Variants in BOC observed in about 807,000 individuals in gnomAD.
BOC encodes brother of CDO.
A neutral mutation model predicts 112.0 loss-of-function variants in BOC; 76 were observed. The observed-to-expected ratio is 0.68, with a 90% CI of 0.56 to 0.82. The LOEUF (loss-of-function observed/expected upper bound fraction) is 0.82. BOC is among the 40% of genes least tolerant of loss of function. The probability of loss-of-function intolerance (pLI) is 0.00; values close to 1 mark genes in which losing one functional copy is unlikely to be tolerated. For missense variants in BOC, 1,309 were observed against 1,511.7 expected, an observed-to-expected ratio of 0.87 and a Z score of 2.22; for synonymous variants, 580 against 599.8, an observed-to-expected ratio of 0.97 and a Z score of 0.48.
chr3:113,236,792 A>C (rs1943625343), intron 2 of BOC, among the ~76,000 whole-genome samples: 2 of 152,238 alleles, frequency 1.3e-5, no homozygotes, highest in Admixed American at 1.3e-4. Context: ...TTGCCACTGC[A>C]TTAAATCAGG....
chr3:113,284,494 GGGGCTGCCCCTCGGCTGCAGT>G lies in BOC; in HGVS notation c.2822_2842del (p.Cys941_Gly947del), dbSNP rs1949487139. 1 of 1,614,084 alleles carries G rather than the reference GGGGCTGCCCCTCGGCTGCAGT, an allele frequency of 6.2e-7. No homozygotes were observed. The highest frequency in any genetic ancestry group is 1.7e-5 in the Admixed American group (1 of 60,010). On this transcript the variant is annotated inframe_deletion, in exon 17 of 20. Coordinates refer to ENST00000682979, the MANE Select transcript of BOC (RefSeq NM_001378074.1). Reference sequence around the variant, plus strand: ...TGTGCTAATGGGATCCACATGAATAGGGGCTGCCCCTCGGCTGCAGTGGGCTACCCGGGCATGAAGCCCCAG... The same window carrying G: ...TGTGCTAATGGGATCCACATGAATAGGGGCTACCCGGGCATGAAGCCCCAG...
At position 113,272,446 on chromosome 3, in the gene BOC, C is replaced by T; in HGVS notation, c.704C>T (p.Pro235Leu). Residue 235 changes from proline (P) to leucine (L), a missense_variant, in exon 7 of 20, where the codon CCA becomes CTA. By Grantham distance (98) the Pro-to-Leu change is moderately conservative. Transcript: ENST00000682979. ...TAEAARIIYP[P>L]EAQTIIVTKG... ...GAGGCTGCCCGCATCATCTACCCCC[C>T]AGAGGCCCAAACCATCATCGTCACC... is the stretch of plus-strand genomic sequence containing the variant. 6.2e-7 allele frequency: 1 copy of T among 1,614,110 alleles called. No homozygotes were observed. Among genetic ancestry groups the T allele is most frequent in the Non-Finnish European group, 8.5e-7 (1 of 1,180,014 alleles).
chr3:113,270,580 G>A (rs1948000180), intron 5 of BOC: 1 of 516,048 alleles, frequency 1.9e-6, no homozygotes, highest in Admixed American at 3.7e-5. Context: ...TTAGCTGGTT[G>A]GTTAGTTACC....
chr3:113,238,687 C>A (rs989458452), intron 2 of BOC, among the ~76,000 whole-genome samples: 3 of 152,216 alleles, frequency 2.0e-5, no homozygotes, highest in Admixed American at 2.0e-4. Context: ...TTCAAATCCT[C>A]ACCCTGAGAT....
chr3:113,282,973 A>G (rs747783076), intron 15 of BOC, among the ~76,000 whole-genome samples: 2 of 152,164 alleles, frequency 1.3e-5, no homozygotes, highest in Non-Finnish European at 2.9e-5. Flanking sequence ...GCTGTGATCC[A>G]TGCTAATACC....
chr3:113,218,309 G>A (rs775985374), intron 2 of BOC, among the ~76,000 whole-genome samples: 4 of 152,340 alleles, frequency 2.6e-5, no homozygotes, highest in African/African-American at 9.6e-5. Flanking sequence ...ACTAGTCTGA[G>A]CTCACCTAAT....
At chr3:113,262,304 A>G (rs538623165) in intron 4 of BOC, among the ~76,000 whole-genome samples, 35 of 152,206 alleles carry the variant, frequency 2.3e-4, no homozygotes, top group Non-Finnish European at 4.0e-4. Context: ...ACGCTGGAGA[A>G]CACCACGCTT....
At chr3:113,214,539 G>A (rs1222956599) in intron 1 of BOC, among the ~76,000 whole-genome samples, 1 of 152,160 alleles carries the variant, frequency 6.6e-6, no homozygotes, top group African/African-American at 2.4e-5. Flanking sequence ...AGAAAACTCA[G>A]GTGCACCAAA....
rs1434802098 is a variant in BOC at position 113,236,262 on chromosome 3, GTGTGTA to G, written c.-81-13458_-81-13453del. Among the ~76,000 whole-genome samples the G allele has an allele frequency of 2.5e-3, 68 of 26,680 alleles. 1 individual carries two copies. Among genetic ancestry groups the G allele is most frequent in the African/African-American group, 8.9e-3 (64 of 7,210 alleles). 17.5% of individuals were successfully genotyped at this position (26,680 alleles called of 152,430 possible). A position where few individuals can be genotyped will look rare whatever the true frequency, so the allele number is the denominator to read the frequency against. On this transcript the variant is annotated intron_variant, in intron 2 of 19. Coordinates refer to ENST00000682979, the MANE Select transcript of BOC (RefSeq NM_001378074.1). ...TGTGTGTGTGTGTGTGTGTGTGTGTGTGTGTATATATACCCATGGGTATATATATAT... is the reference window on the plus strand; with the variant it reads ...TGTGTGTGTGTGTGTGTGTGTGTGTGTATATACCCATGGGTATATATATAT...
rs146572265 is a variant in BOC at position 113,251,005 on chromosome 3, C to G, written c.376+172C>G. On this transcript the variant is annotated intron_variant, in intron 4 of 19. Transcript: ENST00000682979. ...CCTAGTAATGCCCAGTGATGGGGGA[C>G]CCTTGTGCCCTTGGAAAACCTCACT... 551 of 801,432 alleles carry G rather than the reference C, an allele frequency of 6.9e-4. 6 individuals carry two copies. In the East Asian group the frequency reaches 0.013, roughly 19 times the overall value. 49.6% of individuals were successfully genotyped at this position (801,432 alleles called of 1,614,324 possible).
At position 113,278,305 on chromosome 3, in the gene BOC, C is replaced by T; in HGVS notation, c.1705+48C>T. ...TGCTTAGGGTTTCCGTGGGTCTAAG[C>T]AAGTTCCACTGGCCCAGGTGAGAAT... On this transcript the variant is annotated intron_variant, in intron 10 of 19. Coordinates refer to ENST00000682979, the MANE Select transcript of BOC (RefSeq NM_001378074.1). This position sits in a 1 kb window ranked among gnomAD's most constrained non-coding sequence, Gnocchi z 4.2. 1.9e-6 allele frequency: 3 copies of T among 1,590,804 alleles called. No homozygotes were observed. Among genetic ancestry groups the T allele is most frequent in the Non-Finnish European group, 2.6e-6 (3 of 1,161,998 alleles).
chr3:113,244,675 A>C (rs1280600542), intron 2 of BOC, among the ~76,000 whole-genome samples: 1 of 152,214 alleles, frequency 6.6e-6, no homozygotes, highest in Admixed American at 6.5e-5. Flanking sequence ...CAAATATAGA[A>C]TATTTCCATC....
At position 113,220,661 on chromosome 3, in the gene BOC, G is replaced by T. The variant is rs551590953; in HGVS notation, c.-82+4387G>T. On this transcript the variant is annotated intron_variant, in intron 2 of 19. Transcript: ENST00000682979. ...GACAAGGGATTCATCTGCTTCTGTG[G>T]TTCTGTTTTTATTTCTCAGGGCAGG... is the stretch of plus-strand genomic sequence containing the variant. Among the ~76,000 whole-genome samples the T allele has an allele frequency of 2.0e-5, 3 of 152,284 alleles. No individual in the cohort carries two copies. In the South Asian group the frequency reaches 6.2e-4, roughly 32 times the overall value.
intron 19 of BOC, among the ~76,000 whole-genome samples, chr3:113,285,920 C>G (rs1949640034): frequency 6.6e-6 from 1 of 152,230 alleles, no homozygotes; most frequent in South Asian, 2.1e-4. Flanking sequence ...GAGGCATTCT[C>G]TAATCACTCT....
At position 113,272,735 on chromosome 3, in the gene BOC, G is replaced by A. The variant is rs1045021823; in HGVS notation, c.961+32G>A. On this transcript the variant is annotated intron_variant, in intron 7 of 19. Coordinates refer to ENST00000682979, the MANE Select transcript of BOC (RefSeq NM_001378074.1). ...GTCTGCTGTGGACTGTCTTCTGCTT[G>A]GCCTTCTCTCTGGTCTGTGCAGCCT... 5 of 1,607,114 alleles carry A rather than the reference G, an allele frequency of 3.1e-6. No individual in the cohort carries two copies. The African/African-American group carries it at 6.7e-5, about 22-fold the overall frequency.
intron 2 of BOC, among the ~76,000 whole-genome samples, chr3:113,229,847 AC>A (rs1942319015): frequency 6.6e-6 from 1 of 152,202 alleles, no homozygotes; most frequent in Non-Finnish European, 1.5e-5. Flanking sequence ...GATATTCCTT[AC>A]CAAAATGACC....
chr3:113,249,988 C>T, intron 3 of BOC, 89 bp downstream of exon 3: 1 of 1,129,786 alleles, frequency 8.9e-7, no homozygotes, highest in Non-Finnish European at 1.3e-6. Flanking sequence ...GCCTTCTTTA[C>T]CTGGATTTCA....
intron 4 of BOC, among the ~76,000 whole-genome samples, chr3:113,261,048 G>A (rs551533285): frequency 1.6e-4 from 25 of 152,238 alleles, no homozygotes; most frequent in Non-Finnish European, 3.5e-4. Flanking sequence ...TGGTGCCACC[G>A]AGGCTGATGG....
chr3:113,228,369 T>C (rs1942024962), intron 2 of BOC, among the ~76,000 whole-genome samples: 1 of 152,078 alleles, frequency 6.6e-6, no homozygotes, highest in African/African-American at 2.4e-5. Context: ...ACAGGGCTCC[T>C]GATTTTGCTG....
Sources: allele counts gnomAD v4.1 joint callset (sites outside exome capture counted in the v4.1 genomes callset), GRCh38; gene constraint gnomAD v4.1.1; non-coding constraint Gnocchi (gnomAD v3.1); transcripts MANE v1.5; gene names NCBI Gene and HGNC (gene_info 2026-07-23, HGNC 2026-07-21).